The following MNAT1 variants were observed in gnomAD, a reference collection of about 807,000 sequenced individuals.
The protein encoded by MNAT1 is CDK-activating kinase assembly factor MAT1.
MNAT1 carries 43 observed loss-of-function variants against 42.0 expected under a neutral mutation model. The observed-to-expected ratio is 1.02, with a 90% CI of 0.80 to 1.32. MNAT1 has a LOEUF of 1.32. Ranked by LOEUF, MNAT1 falls within the 40% of genes most tolerant of loss-of-function variation. The pLI, the probability that MNAT1 is intolerant of heterozygous loss-of-function variation, is 0.00. For synonymous variants in MNAT1, 118 were observed against 120.0 expected, an observed-to-expected ratio of 0.98 and a Z score of 0.11; for missense variants, 306 against 350.4, an observed-to-expected ratio of 0.87 and a Z score of 1.01.
chr14:60,941,196 T>C (rs965811542), intron 7 of MNAT1, among the ~76,000 whole-genome samples: 1 of 152,218 alleles, frequency 6.6e-6, no homozygotes, highest in African/African-American at 2.4e-5. Context: ...TGTATTACTG[T>C]TTTGTTCCTC....
At chr14:60,741,516 C>T (rs374688513) in intron 1 of MNAT1, among the ~76,000 whole-genome samples, 3 of 152,052 alleles carry the variant, frequency 2.0e-5, no homozygotes, top group South Asian at 2.1e-4. Flanking sequence ...CGGGCCACCA[C>T]GTCTGGCTAA....
At position 60,757,400 on chromosome 14, in the gene MNAT1, C is replaced by T. The variant is rs537168639; in HGVS notation, c.89+22449C>T. Among the ~76,000 whole-genome samples the T allele has an allele frequency of 3.9e-5, 6 of 152,204 alleles. 1 individual carries two copies. In the East Asian group the frequency reaches 7.7e-4, roughly 20 times the overall value. On this transcript the variant is annotated intron_variant, in intron 1 of 7. Coordinates refer to ENST00000261245, the MANE Select transcript of MNAT1 (RefSeq NM_002431.4). ...TTAGTGCATTTTTTTTTATTGTCCA[C>T]ACACACCCACACACAGGCTAGAATG...
intron 1 of MNAT1, among the ~76,000 whole-genome samples, chr14:60,788,336 C>T (rs1168765016): frequency 3.3e-5 from 5 of 152,124 alleles, no homozygotes; most frequent in East Asian, 3.9e-4. Context: ...TAAATAGATG[C>T]GCCATCATTC....
intron 6 of MNAT1, among the ~76,000 whole-genome samples, chr14:60,847,966 A>G (rs1456306639): frequency 6.6e-6 from 1 of 152,164 alleles, no homozygotes; most frequent in Non-Finnish European, 1.5e-5. Flanking sequence ...GTTAAGAGGA[A>G]TAAAGAGAGA....
intron 1 of MNAT1, among the ~76,000 whole-genome samples, chr14:60,762,444 T>C (rs1435209928): frequency 6.6e-6 from 1 of 151,660 alleles, no homozygotes. Flanking sequence ...ATTTAGGAGG[T>C]GGAGGTGGGA....
intron 6 of MNAT1, among the ~76,000 whole-genome samples, chr14:60,854,886 G>T (rs543390486): frequency 7.9e-5 from 12 of 152,294 alleles, no homozygotes; most frequent in African/African-American, 2.9e-4. Flanking sequence ...TGGCAGGCAG[G>T]AACAATTCAA....
intron 1 of MNAT1, among the ~76,000 whole-genome samples, chr14:60,762,850 A>G (rs1027982431): frequency 1.3e-4 from 20 of 152,016 alleles, no homozygotes; most frequent in African/African-American, 4.8e-4. Flanking sequence ...TTGGCCGGAA[A>G]TTTTTACTGA....
chr14:60,765,937 T>A (rs1456668177), intron 1 of MNAT1, among the ~76,000 whole-genome samples: 6 of 152,318 alleles, frequency 3.9e-5, no homozygotes, highest in Non-Finnish European at 8.8e-5. Context: ...ACTTATAAAA[T>A]TAAATGTATA....
rs1214765864 is a variant in MNAT1, at chr14:60,780,124, C to T, written c.90-16093C>T. The T allele has an allele frequency of 6.1e-6, 9 of 1,483,454 alleles. No homozygotes were observed. The East Asian group carries it at 2.0e-4, about 34-fold the overall frequency. The allele number at this position is 1,483,454 out of a possible 1,614,324, so 91.9% of individuals were successfully genotyped here. A position where few individuals can be genotyped will look rare whatever the true frequency, so the allele number is the denominator to read the frequency against. ...AAATCTTTACTCGAGTGCAGAAATA[C>T]GGACTCACCTTGCTTGTAACTACTG... On this transcript the variant is annotated intron_variant, in intron 1 of 7. Coordinates refer to ENST00000261245, the MANE Select transcript of MNAT1 (RefSeq NM_002431.4).
In MNAT1 at chr14:60,880,716, C is replaced by T. The variant is rs182545514; in HGVS notation, c.809+881C>T. On this transcript the variant is annotated intron_variant, in intron 7 of 7. Coordinates refer to ENST00000261245, the MANE Select transcript of MNAT1 (RefSeq NM_002431.4). ...CTGGAACATGTTGCATAATATTTTACATGTGAACATCAAGGCTCCAAGGTA... is the reference window on the plus strand; with the variant it reads ...CTGGAACATGTTGCATAATATTTTATATGTGAACATCAAGGCTCCAAGGTA... 2.6e-5 allele frequency among the ~76,000 whole-genome samples: 4 copies of T among 152,254 alleles called. No individual in the cohort carries two copies. The East Asian group carries it at 7.7e-4, about 29-fold the overall frequency.
At chr14:60,781,953 TTGTGTGTG>T (rs61229600) in intron 1 of MNAT1, among the ~76,000 whole-genome samples, 1 of 146,016 alleles carries the variant, frequency 6.8e-6, no homozygotes, top group Non-Finnish European at 1.5e-5. Flanking sequence ...TGGATTTTGT[TTGTGTGTG>T]TGTGTGTGTG....
intron 7 of MNAT1, among the ~76,000 whole-genome samples, chr14:60,958,745 T>G (rs544615088): frequency 3.5e-4 from 53 of 149,356 alleles, no homozygotes; most frequent in Non-Finnish European, 5.3e-4. Context: ...CACACCATTC[T>G]CCTGCCTCAG....
chr14:60,875,238 A>G (rs886532135), intron 6 of MNAT1, among the ~76,000 whole-genome samples: 2 of 152,262 alleles, frequency 1.3e-5, no homozygotes, highest in East Asian at 1.9e-4. Context: ...AAAACTTTTA[A>G]ATTGAACAAC....
chr14:60,869,065 A>T (rs1364747621), intron 6 of MNAT1, among the ~76,000 whole-genome samples: 1 of 89,662 alleles, frequency 1.1e-5, no homozygotes, highest in South Asian at 3.3e-4. Context: ...TTTGAGACGG[A>T]GTCTCGCTCT....
intron 1 of MNAT1, among the ~76,000 whole-genome samples, chr14:60,774,830 G>A (rs928850731): frequency 5.3e-5 from 8 of 152,334 alleles, no homozygotes; most frequent in Middle Eastern, 3.4e-3. Flanking sequence ...TAGTGAAATA[G>A]GAATAACTGG....
intron 1 of MNAT1, among the ~76,000 whole-genome samples, chr14:60,761,029 T>C (rs1436748971): frequency 6.6e-6 from 1 of 152,222 alleles, no homozygotes; most frequent in Non-Finnish European, 1.5e-5. Context: ...CCATTGTACT[T>C]TTTTTCTTGC....
intron 7 of MNAT1, 157 bp downstream of exon 7, chr14:60,879,992 C>T (rs2034517232): frequency 3.1e-6 from 2 of 641,470 alleles, no homozygotes; most frequent in African/African-American, 3.8e-5. Flanking sequence ...TTATTTAGTA[C>T]ATTAATTTTT....
intron 6 of MNAT1, among the ~76,000 whole-genome samples, chr14:60,825,645 T>G (rs2033034643): frequency 6.6e-6 from 1 of 152,156 alleles, no homozygotes; most frequent in African/African-American, 2.4e-5. Context: ...GAAAACTGAG[T>G]CTTTGAGAGG....
At chr14:60,746,311 C>G (rs752196323) in intron 1 of MNAT1, among the ~76,000 whole-genome samples, 1 of 151,960 alleles carries the variant, frequency 6.6e-6, no homozygotes, top group South Asian at 2.1e-4. Flanking sequence ...GTCAGGAGTT[C>G]GAGACCAGCC....
Sources: allele counts gnomAD v4.1 joint callset (sites outside exome capture counted in the v4.1 genomes callset), GRCh38; gene constraint gnomAD v4.1.1; transcripts MANE v1.5; gene names NCBI Gene and HGNC (gene_info 2026-07-23, HGNC 2026-07-21).